Variants in VIPR1 observed in about 807,000 individuals in gnomAD.
VIPR1 encodes vasoactive intestinal polypeptide receptor 1.
Under a neutral mutation model 58.8 loss-of-function variants are expected in VIPR1, and 59 were observed. That is an observed-to-expected ratio of 1.00 (90% CI 0.81 to 1.25). VIPR1 has a LOEUF of 1.25. VIPR1 is among the 50% of genes most tolerant of loss of function. The pLI is 0.00. For missense variants in VIPR1, 626 were observed against 602.7 expected (o/e 1.04, Z -0.40); for synonymous variants, 251 against 242.1 (o/e 1.04, Z -0.34).
intron 1 of VIPR1, among the ~76,000 whole-genome samples, chr3:42,495,828 C>T (rs1418480139): frequency 6.6e-6 from 1 of 151,826 alleles, no homozygotes; most frequent in Non-Finnish European, 1.5e-5. Context: ...AATTGAACCA[C>T]CTGAAAGAAC....
chr3:42,498,797 C>A (rs777343340), upstream of VIPR1, among the ~76,000 whole-genome samples: 5 of 152,172 alleles, frequency 3.3e-5, no homozygotes, highest in African/African-American at 4.8e-5. Context: ...CGTCCCCAAT[C>A]CCCAGATGAG....
chr3:42,525,775 C>A, intron 3 of VIPR1, 112 bp from the exon 4 acceptor site: 1 of 1,140,782 alleles, frequency 8.8e-7, no homozygotes, highest in South Asian at 1.6e-5. Flanking sequence ...AACCTGACAG[C>A]ACCAGGGTTG....
At chr3:42,526,359 G>T (rs532896015) in intron 4 of VIPR1, among the ~76,000 whole-genome samples, 1 of 152,216 alleles carries the variant, frequency 6.6e-6, no homozygotes, top group Admixed American at 6.5e-5. Context: ...GCAGGTCCTG[G>T]AAGGAACCAG....
intron 5 of VIPR1, chr3:42,527,774 A>T (rs932120274): frequency 2.9e-6 from 2 of 690,296 alleles, no homozygotes; most frequent in Non-Finnish European, 2.4e-6. Context: ...CTGGGGCCAC[A>T]CACGAGGTTG....
chr3:42,508,347 G>T (rs569075802), intron 1 of VIPR1, among the ~76,000 whole-genome samples: 10 of 152,186 alleles, frequency 6.6e-5, no homozygotes, highest in Admixed American at 2.0e-4. Context: ...AAGTCATCCA[G>T]CCAGGAAGCA....
intron 1 of VIPR1, among the ~76,000 whole-genome samples, chr3:42,490,692 G>A (rs1244072431): frequency 6.6e-6 from 1 of 152,120 alleles, no homozygotes; most frequent in Non-Finnish European, 1.5e-5. Flanking sequence ...GTGTTATGAA[G>A]AAGAGTAGAG....
At chr3:42,531,636 C>A in intron 8 of VIPR1, 105 bp downstream of exon 8, 1 of 1,563,278 alleles carries the variant, frequency 6.4e-7, no homozygotes, top group Non-Finnish European at 8.8e-7. Flanking sequence ...AAAACCACAG[C>A]TCTCGGGCCA....
At chr3:42,496,775 A>T (rs193299560) in intron 1 of VIPR1, among the ~76,000 whole-genome samples, 71 of 152,216 alleles carry the variant, frequency 4.7e-4, no homozygotes, top group African/African-American at 1.7e-3. Context: ...ACATGATTTG[A>T]TGCTTCTATT....
At position 42,502,805 on chromosome 3, in the gene VIPR1, G is replaced by C. The variant is rs765645789; in HGVS notation, c.70G>C (p.Gly24Arg). The C allele has an allele frequency of 4.3e-5, 55 of 1,267,636 alleles. No homozygotes were observed. The South Asian group carries it at 1.4e-3, about 32-fold the overall frequency. The allele number at this position is 1,267,636 out of a possible 1,614,324, so 78.5% of individuals were successfully genotyped here. A position where few individuals can be genotyped will look rare whatever the true frequency, so the allele number is the denominator to read the frequency against. ...VLAGALAWALGPAGGQAARLQ... is the reference protein window; with the variant it reads ...VLAGALAWALRPAGGQAARLQ... ...GGCAGGCGCCCTCGCCTGGGCCCTT[G>C]GGCCGGCGGTGAGTGTTCGCCCGGC... The change falls in exon 1 of 13, where the codon GGG becomes CGG. Residue 24 changes from glycine to arginine, a missense_variant. By Grantham distance (125) the Gly-to-Arg change is moderately radical. Transcript: ENST00000325123.
chr3:42,527,656 G>T (rs1430956559), intron 5 of VIPR1, 160 bp downstream of exon 5: 2 of 715,032 alleles, frequency 2.8e-6, no homozygotes, highest in Non-Finnish European at 4.7e-6. Context: ...CCTGGAGAAG[G>T]CAGGTGGCTG....
intron 1 of VIPR1, among the ~76,000 whole-genome samples, chr3:42,493,970 G>A (rs1699711278): frequency 6.6e-6 from 1 of 152,198 alleles, no homozygotes; most frequent in East Asian, 1.9e-4. Context: ...GGCAGGTGAG[G>A]CTGCCTCTGC....
At chr3:42,531,160 G>C (rs754413940) in intron 7 of VIPR1, 12 of 631,644 alleles carry the variant, frequency 1.9e-5, no homozygotes, top group Non-Finnish European at 3.3e-5. Flanking sequence ...GACAGATTTT[G>C]TGAACATCTT....
At chr3:42,493,177 C>T (rs1351949226) in intron 1 of VIPR1, among the ~76,000 whole-genome samples, 2 of 152,172 alleles carry the variant, frequency 1.3e-5, no homozygotes, top group Admixed American at 6.5e-5. Context: ...AGGAGGGAGA[C>T]GGGTGGCTTC....
chr3:42,522,101 ATTTTTTTTTTT>A (rs1158302778), intron 3 of VIPR1, among the ~76,000 whole-genome samples: 10 of 35,364 alleles, frequency 2.8e-4, no homozygotes, highest in South Asian at 1.2e-3. Flanking sequence ...ATATATATAT[ATTTTTTTTTTT>A]TTTTTTTTTT....
In VIPR1 at chr3:42,536,940, A is replaced by T. The variant is rs1378275162; in HGVS notation, c.*659A>T. 6.6e-6 allele frequency: 1 copy of T among 152,084 alleles called. No homozygotes were observed. Among genetic ancestry groups the T allele is most frequent in the Non-Finnish European group, 1.5e-5 (1 of 68,026 alleles). The allele number at this position is 152,084 out of a possible 1,614,324, so 9.4% of individuals were successfully genotyped here. A position where few individuals can be genotyped will look rare whatever the true frequency, so the allele number is the denominator to read the frequency against. On this transcript the variant is annotated 3_prime_UTR_variant, in exon 13 of 13. Coordinates refer to ENST00000325123, the MANE Select transcript of VIPR1 (RefSeq NM_004624.4). ...GCCCCTGGGTCAGTCTGGTGGGAGG[A>T]CGGTGCAACCCAAGGACTGAGGGAC...
At chr3:42,527,306 G>T in intron 4 of VIPR1, 87 bp from the exon 5 acceptor site, 1 of 1,280,332 alleles carries the variant, frequency 7.8e-7, no homozygotes, top group East Asian at 2.4e-5. Context: ...GGCAGGCAGA[G>T]TGTGTAGGGC....
chr3:42,493,222 A>C (rs986872758), intron 1 of VIPR1, among the ~76,000 whole-genome samples: 1 of 151,970 alleles, frequency 6.6e-6, no homozygotes, highest in Non-Finnish European at 1.5e-5. Flanking sequence ...TCTGCTGCAG[A>C]CCCCAGATTG....
chr3:42,494,192 C>A (rs772129605), intron 1 of VIPR1, among the ~76,000 whole-genome samples: 10 of 152,168 alleles, frequency 6.6e-5, no homozygotes, highest in Non-Finnish European at 1.0e-4. Flanking sequence ...TATGTATGAA[C>A]ATGAATTAAA....
exon 1 of VIPR1, chr3:42,489,585 G>A (rs911174523): frequency 6.6e-5 from 10 of 152,280 alleles, no homozygotes; most frequent in African/African-American, 2.4e-4. Flanking sequence ...GACACCAGGA[G>A]GATAAGGAAG....
Sources: allele counts gnomAD v4.1 joint callset (sites outside exome capture counted in the v4.1 genomes callset), GRCh38; gene constraint gnomAD v4.1.1; transcripts MANE v1.5; gene names NCBI Gene and HGNC (gene_info 2026-07-23, HGNC 2026-07-21).